The following RRAS2 variants were observed in gnomAD, a reference collection of about 807,000 sequenced individuals.
The protein encoded by RRAS2 is ras-related protein R-Ras2.
A neutral mutation model predicts 27.6 loss-of-function variants in RRAS2; 7 were observed. The ratio of observed to expected loss-of-function variants is 0.25; its 90% CI spans 0.14 to 0.48. RRAS2 has a LOEUF of 0.48. Among genes scored for constraint, RRAS2 ranks in the 20% least tolerant of loss-of-function variants. RRAS2 has a pLI of 0.99. For synonymous variants in RRAS2, 86 were observed against 90.9 expected, an observed-to-expected ratio of 0.95 and a Z score of 0.31; for missense variants, 178 against 256.2, an observed-to-expected ratio of 0.69 and a Z score of 2.08.
At chr11:14,333,908 G>A (rs2134013968) in intron 1 of RRAS2, among the ~76,000 whole-genome samples, 1 of 152,280 alleles carries the variant, frequency 6.6e-6, no homozygotes, top group African/African-American at 2.4e-5. Context: ...GGAATTACAG[G>A]CGTCAGCCAT....
chr11:14,311,597 T>C (rs1167857160), intron 1 of RRAS2, among the ~76,000 whole-genome samples: 2 of 151,548 alleles, frequency 1.3e-5, no homozygotes, highest in African/African-American at 4.8e-5. Context: ...GAATTCCTGA[T>C]CTCGGGTGAT....
chr11:14,342,793 G>A (rs186924635), intron 1 of RRAS2, among the ~76,000 whole-genome samples: 1 of 152,166 alleles, frequency 6.6e-6, no homozygotes, highest in Admixed American at 6.5e-5. Flanking sequence ...CTTTTTCAAT[G>A]TTAATCACTT....
At chr11:14,349,090 C>G (rs1554954443) in intron 1 of RRAS2, among the ~76,000 whole-genome samples, 1 of 150,520 alleles carries the variant, frequency 6.6e-6, no homozygotes, top group African/African-American at 2.4e-5. Flanking sequence ...CTCAGCCTCC[C>G]AAGTAGCTGG....
intron 1 of RRAS2, among the ~76,000 whole-genome samples, chr11:14,350,678 C>T (rs1275002030): frequency 6.6e-6 from 1 of 151,848 alleles, no homozygotes; most frequent in Non-Finnish European, 1.5e-5. Context: ...ATACGCTAAA[C>T]TAACGATAGC....
At chr11:14,281,197 T>C (rs1324945215) in intron 5 of RRAS2, among the ~76,000 whole-genome samples, 5 of 152,248 alleles carry the variant, frequency 3.3e-5, no homozygotes, top group African/African-American at 1.2e-4. Context: ...ACAAGCTATT[T>C]AACTTCTTTC....
chr11:14,344,736 T>C (rs1175918467), intron 1 of RRAS2, among the ~76,000 whole-genome samples: 1 of 152,200 alleles, frequency 6.6e-6, no homozygotes, highest in Non-Finnish European at 1.5e-5. Flanking sequence ...AAGTCAGAAT[T>C]GCCAGACAGA....
intron 5 of RRAS2, among the ~76,000 whole-genome samples, chr11:14,281,360 A>G (rs921948417): frequency 3.3e-5 from 5 of 152,214 alleles, no homozygotes; most frequent in Non-Finnish European, 7.3e-5. Context: ...TGTCATCACT[A>G]TCTTCACACC....
rs942666685 is a variant in RRAS2, at chr11:14,325,948, T to C, written c.109-30093A>G. On this transcript the variant is annotated intron_variant, in intron 1 of 5. Transcript: ENST00000256196. ...AGGCTGGGGAATGAGCAGCAACTGA[T>C]AGCATTTTGAAGGAGGATCAAGTCT... is the stretch of plus-strand genomic sequence containing the variant. 4.6e-5 allele frequency among the ~76,000 whole-genome samples: 7 copies of C among 152,218 alleles called. No individual in the cohort carries two copies. In the East Asian group the frequency reaches 9.6e-4, roughly 21 times the overall value.
intron 1 of RRAS2, among the ~76,000 whole-genome samples, chr11:14,333,111 T>C (rs554320575): frequency 2.0e-5 from 3 of 152,286 alleles, no homozygotes; most frequent in South Asian, 4.1e-4. Context: ...AGGTAAATCA[T>C]AGTATAAGCA....
intron 1 of RRAS2, among the ~76,000 whole-genome samples, chr11:14,319,047 G>C (rs901116872): frequency 6.6e-6 from 1 of 152,154 alleles, no homozygotes; most frequent in Non-Finnish European, 1.5e-5. Flanking sequence ...GCCCAGTCAC[G>C]AGGCTAGTAA....
chr11:14,341,136 T>C (rs1848696192), intron 1 of RRAS2, among the ~76,000 whole-genome samples: 1 of 152,068 alleles, frequency 6.6e-6, no homozygotes, highest in African/African-American at 2.4e-5. Flanking sequence ...CCCCTGAAAA[T>C]TCAACACTTG....
chr11:14,330,897 CAG>C (rs1554951795), intron 1 of RRAS2, among the ~76,000 whole-genome samples: 1 of 152,072 alleles, frequency 6.6e-6, no homozygotes, highest in African/African-American at 2.4e-5. Context: ...TAGTTAATAA[CAG>C]TGGCAAATTT....
intron 5 of RRAS2, among the ~76,000 whole-genome samples, chr11:14,280,807 A>G (rs12791908): frequency 6.6e-6 from 1 of 150,658 alleles, no homozygotes; most frequent in African/African-American, 2.5e-5. Context: ...AGAGAATCCC[A>G]GATCTACAGA....
upstream of RRAS2, among the ~76,000 whole-genome samples, chr11:14,361,204 T>C (rs1425584173): frequency 3.3e-5 from 5 of 152,168 alleles, no homozygotes; most frequent in African/African-American, 9.6e-5. Context: ...GGAGAATTGC[T>C]TGAACGCTGG....
In RRAS2 at chr11:14,295,946, A is replaced by T. The variant is rs1305329879; in HGVS notation, c.109-91T>A. ...CCTATGCTCTGGGAGGCCGAGGGAG[A>T]AGGATCACTTGAGGCCAGGAGTTTG... On this transcript the variant is annotated intron_variant, in intron 1 of 5. Transcript: ENST00000256196. 5.9e-6 allele frequency: 7 copies of T among 1,179,076 alleles called. No homozygotes were observed. The African/African-American group carries it at 1.1e-4, about 18-fold the overall frequency. 73.0% of individuals were successfully genotyped at this position (1,179,076 alleles called of 1,614,324 possible).
chr11:14,356,860 T>C, intron 1 of RRAS2: 1 of 410,742 alleles, frequency 2.4e-6, no homozygotes, highest in South Asian at 1.8e-5. Flanking sequence ...CAATCTCGGC[T>C]CACTACAATC....
chr11:14,305,153 CA>C (rs1847803483), intron 1 of RRAS2, among the ~76,000 whole-genome samples: 1 of 152,116 alleles, frequency 6.6e-6, no homozygotes, highest in Non-Finnish European at 1.5e-5. Flanking sequence ...GCCTTCCATA[CA>C]TTTTCAGCTA....
chr11:14,321,835 TA>T (rs1177969229), intron 1 of RRAS2, among the ~76,000 whole-genome samples: 2 of 152,188 alleles, frequency 1.3e-5, no homozygotes, highest in East Asian at 3.8e-4. Flanking sequence ...ATAATGCATT[TA>T]AAAGGTATAT....
chr11:14,359,127 C>A lies in RRAS2; in HGVS notation c.-257G>T. 9.6e-7 allele frequency: 1 copy of A among 1,039,282 alleles called. No individual in the cohort carries two copies. The highest frequency in any genetic ancestry group is 1.2e-6 in the Non-Finnish European group (1 of 865,902). 64.4% of individuals were successfully genotyped at this position (1,039,282 alleles called of 1,614,324 possible). On this transcript the variant is annotated 5_prime_UTR_variant, in exon 1 of 6. Transcript: ENST00000256196. The stretch of plus-strand genomic sequence containing the variant: ...AGCGGCCGGGGGGCGCGCTCCTCTA[C>A]GCGTCTCCGCAGCGCCTGCCGAACG...
Sources: allele counts gnomAD v4.1 joint callset (sites outside exome capture counted in the v4.1 genomes callset), GRCh38; gene constraint gnomAD v4.1.1; transcripts MANE v1.5; gene names NCBI Gene and HGNC (gene_info 2026-07-23, HGNC 2026-07-21).